The following ATP8A1 variants were observed in gnomAD, a reference collection of about 807,000 sequenced individuals.
ATP8A1 encodes phospholipid-transporting ATPase IA.
ATP8A1 carries 90 observed loss-of-function variants against 177.7 expected under a neutral mutation model. The ratio of observed to expected loss-of-function variants is 0.51; its 90% CI spans 0.43 to 0.60. ATP8A1 has a LOEUF of 0.60. ATP8A1 is among the 20% of genes least tolerant of loss of function. The pLI is 0.00. For synonymous variants in ATP8A1, 493 were observed against 485.9 expected (o/e 1.01, Z -0.19); for missense variants, 1,072 against 1,392.8 (o/e 0.77, Z 3.67).
chr4:42,433,809 G>A (rs2153171513), intron 33 of ATP8A1, among the ~76,000 whole-genome samples: 1 of 150,278 alleles, frequency 6.7e-6, no homozygotes, highest in Non-Finnish European at 1.5e-5. Context: ...CTAGCCATAT[G>A]ATACAAGAAA....
In ATP8A1 at chr4:42,436,234, C is replaced by A. The variant is rs1260756078; in HGVS notation, c.3123+7331G>T. ...ATGACATCAATGCCCCACCATTAAACAAAGGGATCCTTGAGGACAAGGCCA... is the reference window on the plus strand; with the variant it reads ...ATGACATCAATGCCCCACCATTAAAAAAAGGGATCCTTGAGGACAAGGCCA... On this transcript the variant is annotated intron_variant, in intron 33 of 36. Coordinates refer to ENST00000381668, the MANE Select transcript of ATP8A1 (RefSeq NM_006095.2). Among the ~76,000 whole-genome samples the A allele has an allele frequency of 5.9e-5, 9 of 152,104 alleles. No individual in the cohort carries two copies. The East Asian group carries it at 1.7e-3, about 29-fold the overall frequency.
intron 15 of ATP8A1, among the ~76,000 whole-genome samples, chr4:42,567,984 G>T (rs1285555669): frequency 6.6e-6 from 1 of 152,142 alleles, no homozygotes; most frequent in East Asian, 1.9e-4. Context: ...TTATGTTAAT[G>T]TTATAGAAAA....
At chr4:42,527,626 AACTAG>A (rs1028612782) in intron 20 of ATP8A1, among the ~76,000 whole-genome samples, 3 of 152,138 alleles carry the variant, frequency 2.0e-5, no homozygotes, top group Admixed American at 6.5e-5. Context: ...CTAGACCTAT[AACTAG>A]ACTAAAGTCC....
chr4:42,526,698 A>G (rs995893834), intron 20 of ATP8A1, among the ~76,000 whole-genome samples: 1 of 152,116 alleles, frequency 6.6e-6, no homozygotes, highest in Non-Finnish European at 1.5e-5. Flanking sequence ...GTTAATGCTT[A>G]AGAAACTCCC....
intron 2 of ATP8A1, 119 bp downstream of exon 2, chr4:42,626,876 A>G: frequency 1.4e-6 from 1 of 734,684 alleles, no homozygotes; most frequent in Non-Finnish European, 2.4e-6. Context: ...TCACACTGCC[A>G]ACAGGGAGCT....
intron 1 of ATP8A1, among the ~76,000 whole-genome samples, chr4:42,635,046 T>C (rs142345106): frequency 2.0e-5 from 3 of 152,344 alleles, no homozygotes; most frequent in East Asian, 1.9e-4. Flanking sequence ...GACTGTAATG[T>C]AGGTATTAAC....
intron 4 of ATP8A1, among the ~76,000 whole-genome samples, chr4:42,619,105 C>T (rs553717194): frequency 4.6e-5 from 7 of 151,840 alleles, no homozygotes; most frequent in African/African-American, 1.2e-4. Flanking sequence ...GCTGGAGTGC[C>T]GTAGTGGGAT....
chr4:42,525,839 G>A (rs1297037388), intron 20 of ATP8A1, among the ~76,000 whole-genome samples: 1 of 152,076 alleles, frequency 6.6e-6, no homozygotes, highest in African/African-American at 2.4e-5. Context: ...TAGAACCCTT[G>A]AGAGAAACAC....
At chr4:42,416,533 T>C (rs1035131326) in intron 35 of ATP8A1, among the ~76,000 whole-genome samples, 1 of 152,214 alleles carries the variant, frequency 6.6e-6, no homozygotes, top group Non-Finnish European at 1.5e-5. Context: ...TTAGCTCTTC[T>C]TTTATATCAA....
intron 33 of ATP8A1, among the ~76,000 whole-genome samples, chr4:42,442,175 T>C (rs1275501575): frequency 6.6e-6 from 1 of 152,230 alleles, no homozygotes; most frequent in African/African-American, 2.4e-5. Flanking sequence ...TCAAATCTTT[T>C]GTGTTATTCA....
chr4:42,556,079 A>G (rs774422882), intron 15 of ATP8A1, 39 bp from the exon 16 acceptor site: 1 of 1,414,682 alleles, frequency 7.1e-7, no homozygotes. Context: ...CAGTTCATTT[A>G]TACCAGCCCA....
chr4:42,518,362 A>G (rs1316174604), intron 22 of ATP8A1, among the ~76,000 whole-genome samples: 2 of 152,242 alleles, frequency 1.3e-5, no homozygotes, highest in African/African-American at 2.4e-5. Flanking sequence ...ACAATGATGT[A>G]CTGATCTTTT....
chr4:42,414,977 C>T (rs113950174), intron 35 of ATP8A1: 3 of 436,386 alleles, frequency 6.9e-6, no homozygotes, highest in East Asian at 4.0e-5. Context: ...CTCCTCACCA[C>T]CCCCCACTCA....
At chr4:42,512,559 A>G (rs942611806) in intron 22 of ATP8A1, among the ~76,000 whole-genome samples, 4 of 152,192 alleles carry the variant, frequency 2.6e-5, no homozygotes, top group Admixed American at 2.0e-4. Flanking sequence ...AGAAAGCTTC[A>G]TTAGAAACTC....
chr4:42,618,382 C>CA (rs750804379), intron 4 of ATP8A1, among the ~76,000 whole-genome samples: 17 of 152,194 alleles, frequency 1.1e-4, no homozygotes, highest in Non-Finnish European at 1.9e-4. Context: ...ATATACCAGT[C>CA]AAAACTCTCA....
chr4:42,606,975 T>C (rs11732989), intron 5 of ATP8A1, among the ~76,000 whole-genome samples: 34,257 of 152,232 alleles, frequency 0.23, 4,342 homozygotes, highest in Non-Finnish European at 0.29. Flanking sequence ...GTCAGTCTGA[T>C]GAGTATTTGA....
intron 20 of ATP8A1, among the ~76,000 whole-genome samples, chr4:42,541,439 T>C (rs1040577524): frequency 3.9e-5 from 6 of 152,222 alleles, no homozygotes; most frequent in African/African-American, 1.2e-4. Context: ...CAAAATGGCA[T>C]AGCCACTTGG....
chr4:42,571,743 A>C (rs1213105702), intron 14 of ATP8A1, among the ~76,000 whole-genome samples: 1 of 152,222 alleles, frequency 6.6e-6, no homozygotes, highest in Admixed American at 6.5e-5. Flanking sequence ...AAAAAGATCT[A>C]ATGAAATAAT....
At chr4:42,526,338 T>C (rs751030033) in intron 20 of ATP8A1, among the ~76,000 whole-genome samples, 2 of 152,100 alleles carry the variant, frequency 1.3e-5, no homozygotes, top group East Asian at 1.9e-4. Context: ...TGAATAAACA[T>C]TGTGAAGGTT....
Sources: gnomAD v4.1 joint callset for allele counts (sites outside exome capture counted in the v4.1 genomes callset) on GRCh38, gnomAD v4.1.1 for gene constraint, MANE v1.5 for transcripts, NCBI Gene and HGNC (gene_info 2026-07-23, HGNC 2026-07-21) for gene names.